TBATA: variants seen among roughly 807,000 people sequenced by gnomAD.
The protein encoded by TBATA is protein TBATA.
In TBATA, 47 loss-of-function variants were observed where a neutral mutation model predicts 38.7. That is an observed-to-expected ratio of 1.21 (90% confidence interval 0.96 to 1.55). TBATA has a LOEUF of 1.55. Among genes scored for constraint, TBATA ranks in the 40% most tolerant of loss-of-function variants. TBATA has a pLI of 0.00. For synonymous variants in TBATA, 183 were observed against 170.5 expected (o/e 1.07, Z -0.57); for missense variants, 436 against 435.6 (o/e 1.00, Z -0.01).
intron 7 of TBATA, chr10:70,776,386 C>T: frequency 2.2e-6 from 1 of 456,310 alleles, no homozygotes; most frequent in Non-Finnish European, 4.4e-6. Flanking sequence ...TGAGGCCGCC[C>T]TATGGTGGAG....
chr10:70,773,730 G>A (rs535916274), intron 9 of TBATA, among the ~76,000 whole-genome samples: 2 of 152,344 alleles, frequency 1.3e-5, no homozygotes, highest in South Asian at 2.1e-4. Flanking sequence ...ACACCCAGCG[G>A]TGTCAGGCAA....
rs1281193814 is a variant in TBATA at position 70,774,201 on chromosome 10, T to C, written c.920+12A>G. 1.2e-6 allele frequency: 2 copies of C among 1,610,748 alleles called. No homozygotes were observed. The highest frequency in any genetic ancestry group is 1.7e-6 in the Non-Finnish European group (2 of 1,179,238). On this transcript the variant is annotated intron_variant, in intron 9 of 10. Coordinates refer to ENST00000456372, the MANE Select transcript of TBATA (RefSeq NM_001318241.2). ...AAGGCTGCAGAAGGGCAGGGCGGGG[T>C]GCGGGGCCCACCTGCAGGGTGGCTC...
Position 70,779,626 on chromosome 10 carries a change from G to A in TBATA, c.394C>T (p.Pro132Ser), listed in dbSNP as rs755138847. ...IPTISVPIGD[P>S]QSNRNPQLSS... ...AGCTGGGGGTTCCGATTAGACTGTG[G>A]GTCTCCAATGGGGACAGAGATGGTG... The change falls in exon 5 of 11, where the codon CCA becomes TCA. Residue 132 changes from proline (P) to serine (S), a missense_variant. Physicochemically the swap from Pro to Ser is moderately conservative, Grantham distance 74. Coordinates refer to ENST00000456372, the MANE Select transcript of TBATA (RefSeq NM_001318241.2). The A allele has an allele frequency of 2.0e-6, 3 of 1,524,522 alleles. No individual in the cohort carries two copies. The highest frequency in any genetic ancestry group is 2.6e-6 in the Non-Finnish European group (3 of 1,144,096). 94.4% of individuals were successfully genotyped at this position (1,524,522 alleles called of 1,614,324 possible).
At chr10:70,779,534 G>T (rs1843868341) in intron 5 of TBATA, 59 bp downstream of exon 5, 3 of 1,422,056 alleles carry the variant, frequency 2.1e-6, no homozygotes, top group African/African-American at 3.0e-5. Context: ...CCCAAGTGAG[G>T]CAGCCTTGGG....
intron 5 of TBATA, among the ~76,000 whole-genome samples, chr10:70,779,163 C>G (rs1384484694): frequency 1.3e-5 from 2 of 152,222 alleles, no homozygotes; most frequent in African/African-American, 4.8e-5. Context: ...CTTCCAGCAC[C>G]TCAGTGGTGG....
In TBATA at chr10:70,774,207, G is replaced by A. The variant is rs1554826841; in HGVS notation, c.920+6C>T. 1.2e-6 allele frequency: 2 copies of A among 1,611,564 alleles called. No homozygotes were observed. Among genetic ancestry groups the A allele is most frequent in the South Asian group, 1.1e-5 (1 of 89,924 alleles). On this transcript the variant is annotated splice_donor_region_variant and intron_variant, in intron 9 of 10. Transcript: ENST00000456372. Reference sequence around the variant, plus strand: ...GCAGAAGGGCAGGGCGGGGTGCGGGGCCCACCTGCAGGGTGGCTCTTGCTT... The same window carrying A: ...GCAGAAGGGCAGGGCGGGGTGCGGGACCCACCTGCAGGGTGGCTCTTGCTT...
Position 70,774,372 on chromosome 10 carries a change from C to A in TBATA, c.776-15G>T. Reference sequence around the variant, plus strand: ...GAGGTCTTTTTCTGAAAGCACAGCCCGGGGGCAGTGTCCTCAGCCCCCAGC... The same window carrying A: ...GAGGTCTTTTTCTGAAAGCACAGCCAGGGGGCAGTGTCCTCAGCCCCCAGC... On this transcript the variant is annotated splice_polypyrimidine_tract_variant and intron_variant, in intron 8 of 10. Transcript: ENST00000456372. 6.4e-7 allele frequency: 1 copy of A among 1,574,022 alleles called. No individual in the cohort carries two copies. The highest frequency in any genetic ancestry group is 2.3e-5 in the East Asian group (1 of 43,490).
At chr10:70,778,784 G>C in intron 5 of TBATA, 148 bp from the exon 6 acceptor site, 1 of 751,492 alleles carries the variant, frequency 1.3e-6, no homozygotes, top group Non-Finnish European at 2.3e-6. Context: ...TGCCCTGGAG[G>C]GAGAAGGATC....
chr10:70,771,569 C>T, intron 10 of TBATA, 108 bp from the exon 11 acceptor site: 1 of 1,020,548 alleles, frequency 9.8e-7, no homozygotes, highest in East Asian at 2.4e-5. Context: ...GAGTCAAGCC[C>T]AGCTCCTGCT....
At chr10:70,784,812 A>G (rs762766714) in intron 1 of TBATA, 39 bp from the exon 2 acceptor site, 1 of 152,170 alleles carries the variant, frequency 6.6e-6, no homozygotes, top group Non-Finnish European at 1.5e-5. Context: ...AGACTTGCAA[A>G]TGTGTTTGGC....
intron 9 of TBATA, among the ~76,000 whole-genome samples, chr10:70,773,241 C>G: frequency 6.6e-6 from 1 of 152,096 alleles, no homozygotes; most frequent in South Asian, 2.1e-4. Flanking sequence ...CTCAGTCCAC[C>G]CCTACCCCTG....
At chr10:70,779,520 C>G (rs1403277970) in intron 5 of TBATA, 73 bp downstream of exon 5, 53 of 1,411,782 alleles carry the variant, frequency 3.8e-5, no homozygotes, top group Non-Finnish European at 4.7e-5. Flanking sequence ...CTTCTGGGCA[C>G]CCACCCAAGT....
intron 5 of TBATA, chr10:70,778,872 C>G (rs1843766263): frequency 1.6e-6 from 1 of 616,880 alleles, no homozygotes; most frequent in Admixed American, 2.4e-5. Context: ...CTAGCAGGGG[C>G]TGATGTTGAT....
rs940414189 is a variant in TBATA at position 70,781,795 on chromosome 10, C to A, written c.277+6G>T. 1 of 1,613,058 alleles carries A rather than the reference C, an allele frequency of 6.2e-7. No homozygotes were observed. The highest frequency in any genetic ancestry group is 1.3e-5 in the African/African-American group (1 of 74,928). ...TCTGCTCCCACCCCAACCAGCCAGGCCCTACCTTGGATGTGGGTCACGTGC... is the reference window on the plus strand; with the variant it reads ...TCTGCTCCCACCCCAACCAGCCAGGACCTACCTTGGATGTGGGTCACGTGC... On this transcript the variant is annotated splice_donor_region_variant and intron_variant, in intron 4 of 10. Coordinates refer to ENST00000456372, the MANE Select transcript of TBATA (RefSeq NM_001318241.2).
intron 4 of TBATA, among the ~76,000 whole-genome samples, chr10:70,780,757 C>T (rs914828665): frequency 1.3e-5 from 2 of 152,200 alleles, no homozygotes; most frequent in South Asian, 4.1e-4. Flanking sequence ...AGTCAATGTA[C>T]TCCAGTTTCC....
intron 7 of TBATA, among the ~76,000 whole-genome samples, chr10:70,775,668 G>T (rs182026566): frequency 6.6e-6 from 1 of 152,282 alleles, no homozygotes; most frequent in Non-Finnish European, 1.5e-5. Flanking sequence ...GAGCTGGCCA[G>T]TCAGCTCCTC....
At position 70,775,239 on chromosome 10, in the gene TBATA, G is replaced by T. The variant is rs370007789; in HGVS notation, c.725C>A (p.Thr242Lys). ...VLELLCRILE[T>K]DLLSAIQFWL... ...GAACTGGATTGCGCTTAGCAAGTCT[G>T]TTTCCAGGATCCGACACAGGAGCTC... The change falls in exon 8 of 11, where the codon ACA (threonine) becomes AAA (lysine). Residue 242 changes from threonine (T) to lysine (K), a missense_variant. Coordinates refer to ENST00000456372, the MANE Select transcript of TBATA (RefSeq NM_001318241.2). The T allele has an allele frequency of 9.5e-5, 154 of 1,614,070 alleles. No homozygotes were observed. The highest frequency in any genetic ancestry group is 1.3e-4 in the Admixed American group (8 of 60,006).
intron 7 of TBATA, among the ~76,000 whole-genome samples, chr10:70,775,705 A>G (rs1206031414): frequency 6.6e-6 from 1 of 152,116 alleles, no homozygotes; most frequent in East Asian, 1.9e-4. Context: ...CCACATGCCC[A>G]GGGCCTTGGT....
chr10:70,775,276 G>A lies in TBATA; in HGVS notation c.694-6C>T. 1 of 1,613,076 alleles carries A rather than the reference G, an allele frequency of 6.2e-7. No homozygotes were observed. Among genetic ancestry groups the A allele is most frequent in the Non-Finnish European group, 8.5e-7 (1 of 1,179,072 alleles). ...CGACACAGGAGCTCCAGGACCTGTGGGCAGGAGGCCAGCACATTCCAGCCA... is the reference window on the plus strand; with the variant it reads ...CGACACAGGAGCTCCAGGACCTGTGAGCAGGAGGCCAGCACATTCCAGCCA... On this transcript the variant is annotated splice_polypyrimidine_tract_variant and splice_region_variant and intron_variant, in intron 7 of 10. Coordinates refer to ENST00000456372, the MANE Select transcript of TBATA (RefSeq NM_001318241.2).
Sources: gnomAD v4.1 joint callset for allele counts (sites outside exome capture counted in the v4.1 genomes callset) on GRCh38, gnomAD v4.1.1 for gene constraint, MANE v1.5 for transcripts, NCBI Gene and HGNC (gene_info 2026-07-23, HGNC 2026-07-21) for gene names.